Variants in BRIX1 observed in about 807,000 individuals in gnomAD.
The protein encoded by BRIX1 is ribosome biogenesis protein BRX1 homolog.
In BRIX1, 15 loss-of-function variants were observed where a neutral mutation model predicts 44.0. The ratio of observed to expected loss-of-function variants is 0.34; its 90% CI spans 0.23 to 0.53. BRIX1 has a LOEUF of 0.53. Ranked by LOEUF, BRIX1 falls within the 20% of genes least tolerant of loss-of-function variation. The pLI is 0.95. For missense variants in BRIX1, 420 were observed against 432.8 expected (o/e 0.97, Z 0.26); for synonymous variants, 149 against 135.4 (o/e 1.10, Z -0.70).
chr5:34,922,166 A>G (rs371871022), intron 3 of BRIX1, 51 bp from the exon 4 acceptor site: 10 of 1,019,964 alleles, frequency 9.8e-6, no homozygotes, highest in Non-Finnish European at 1.0e-5. Flanking sequence ...TAATTACTTT[A>G]GTTCTCATTT....
chr5:34,919,137 A>T (rs1270574542), intron 2 of BRIX1: 1 of 151,014 alleles, frequency 6.6e-6, no homozygotes, highest in Non-Finnish European at 1.5e-5. Context: ...TAGCCAAGTG[A>T]GGGGGTCACT....
At chr5:34,923,344 A>G (rs755138231) in intron 8 of BRIX1, 110 bp downstream of exon 8, 15 of 818,024 alleles carry the variant, frequency 1.8e-5, no homozygotes, top group South Asian at 3.2e-5. Flanking sequence ...CAGTGGCACA[A>G]TCTTGGCTCA....
Position 34,924,808 on chromosome 5 carries a change from G to T in BRIX1, c.664-39G>T, listed in dbSNP as rs775957855. ...AGCCAGTATACCTTTTGGGAATAACGTAACCAAACCAAAATGAAATGTTTC... is the reference window on the plus strand; with the variant it reads ...AGCCAGTATACCTTTTGGGAATAACTTAACCAAACCAAAATGAAATGTTTC... On this transcript the variant is annotated intron_variant, in intron 8 of 9. Transcript: ENST00000336767. 9 of 1,493,696 alleles carry T rather than the reference G, an allele frequency of 6.0e-6. No individual in the cohort carries two copies. The South Asian group carries it at 1.0e-4, about 17-fold the overall frequency. 92.5% of individuals were successfully genotyped at this position (1,493,696 alleles called of 1,614,324 possible).
Position 34,915,907 on chromosome 5 carries a change from G to A in BRIX1, c.159+10G>A. 4 of 1,545,164 alleles carry A rather than the reference G, an allele frequency of 2.6e-6. No homozygotes were observed. Among genetic ancestry groups the A allele is most frequent in the Non-Finnish European group, 3.5e-6 (4 of 1,144,762 alleles). Reference sequence around the variant, plus strand: ...AGGCCCCGTTTGCAAGGTAGGAGGGGATGTCCCCGGGCTACACCTGCGGCG... The same window carrying A: ...AGGCCCCGTTTGCAAGGTAGGAGGGAATGTCCCCGGGCTACACCTGCGGCG... On this transcript the variant is annotated intron_variant, in intron 1 of 9. Transcript: ENST00000336767.
chr5:34,925,207 C>CTTTTTTTTTTTTTTTT lies in BRIX1; in HGVS notation c.793-18_793-3dup, dbSNP rs35326249. On this transcript the variant is annotated intron_variant, in intron 9 of 9. Coordinates refer to ENST00000336767, the MANE Select transcript of BRIX1 (RefSeq NM_018321.4). ...TATTTTTATTTCAAAAGCATCTAATCTTTTTTTTTTTTTTTTAGCATCGGC... is the reference window on the plus strand; with the variant it reads ...TATTTTTATTTCAAAAGCATCTAATCTTTTTTTTTTTTTTTTTTTTTTTTTTTTTTTTAGCATCGGC... 1 of 1,055,338 alleles carries CTTTTTTTTTTTTTTTT rather than the reference C, an allele frequency of 9.5e-7. No individual in the cohort carries two copies. The allele number at this position is 1,055,338 out of a possible 1,614,324, so 65.4% of individuals were successfully genotyped here. A position where few individuals can be genotyped will look rare whatever the true frequency, so the allele number is the denominator to read the frequency against.
intron 8 of BRIX1, among the ~76,000 whole-genome samples, chr5:34,924,154 G>T (rs1026623843): frequency 1.3e-5 from 2 of 152,222 alleles, no homozygotes; most frequent in Non-Finnish European, 2.9e-5. Context: ...AAAAGAGGAG[G>T]TGACTCTAGA....
chr5:34,922,067 C>G, intron 3 of BRIX1, 150 bp from the exon 4 acceptor site: 1 of 439,398 alleles, frequency 2.3e-6, no homozygotes, highest in East Asian at 3.6e-5. Flanking sequence ...TTAAAGGTTC[C>G]TTCTGTGAAT....
intron 1 of BRIX1, 40 bp from the exon 2 acceptor site, chr5:34,918,324 A>T (rs748692022): frequency 5.6e-6 from 6 of 1,075,542 alleles, no homozygotes; most frequent in South Asian, 4.0e-5. Context: ...TCAGTTCAGT[A>T]TAAGATTTTA....
chr5:34,918,404 C>G lies in BRIX1; in HGVS notation c.200C>G (p.Ser67Cys). 1 of 1,599,592 alleles carries G rather than the reference C, an allele frequency of 6.3e-7. No homozygotes were observed. The highest frequency in any genetic ancestry group is 8.6e-7 in the Non-Finnish European group (1 of 1,169,142). The change falls in exon 2 of 10, where the codon TCC (serine) becomes TGC (cysteine). Residue 67 changes from serine (S) to cysteine (C), a missense_variant. By Grantham distance (112) the Ser-to-Cys change is moderately radical (BLOSUM62 -1). Coordinates refer to ENST00000336767, the MANE Select transcript of BRIX1 (RefSeq NM_018321.4). ...AAGGAACGGATTCTCATCTTTTCTT[C>G]CAGAGGAATAAATTTTAGAACAAGA... ...KNKERILIFS[S>C]RGINFRTRHL...
At chr5:34,924,725 C>T (rs938988488) in intron 8 of BRIX1, 122 bp from the exon 9 acceptor site, 17 of 592,448 alleles carry the variant, frequency 2.9e-5, no homozygotes, top group African/African-American at 2.7e-4. Flanking sequence ...CCAAGTTTCA[C>T]CCCCACCTTG....
chr5:34,915,914 C>T lies in BRIX1; in HGVS notation c.159+17C>T. The T allele has an allele frequency of 3.3e-6, 5 of 1,521,564 alleles. No individual in the cohort carries two copies. The highest frequency in any genetic ancestry group is 4.4e-6 in the Non-Finnish European group (5 of 1,135,468). The allele number at this position is 1,521,564 out of a possible 1,614,324, so 94.3% of individuals were successfully genotyped here. On this transcript the variant is annotated intron_variant, in intron 1 of 9. Transcript: ENST00000336767. ...GTTTGCAAGGTAGGAGGGGATGTCCCCGGGCTACACCTGCGGCGGCGGCTC... is the reference window on the plus strand; with the variant it reads ...GTTTGCAAGGTAGGAGGGGATGTCCTCGGGCTACACCTGCGGCGGCGGCTC...
chr5:34,920,443 T>G (rs1251998817), intron 3 of BRIX1: 2 of 152,218 alleles, frequency 1.3e-5, no homozygotes, highest in Non-Finnish European at 2.9e-5. Context: ...TTAGGATCAT[T>G]TTTTCACTAT....
At chr5:34,915,961 C>G in intron 1 of BRIX1, 64 bp downstream of exon 1, 1 of 1,465,886 alleles carries the variant, frequency 6.8e-7, no homozygotes, top group Non-Finnish European at 9.0e-7. Context: ...TCTTGGGTTA[C>G]TTACTTGACT....
intron 1 of BRIX1, among the ~76,000 whole-genome samples, chr5:34,916,990 C>T (rs1407889195): frequency 6.6e-6 from 1 of 152,170 alleles, no homozygotes; most frequent in South Asian, 2.1e-4. Flanking sequence ...AGCCATACTT[C>T]GATACATTCT....
intron 2 of BRIX1, 82 bp from the exon 3 acceptor site, chr5:34,919,758 C>T: frequency 2.2e-6 from 1 of 445,184 alleles, no homozygotes; most frequent in South Asian, 4.5e-5. Flanking sequence ...ACTTTATTTT[C>T]TGGATAGCAT....
chr5:34,923,459 G>A (rs1369409722), intron 8 of BRIX1: 1 of 519,688 alleles, frequency 1.9e-6, no homozygotes, highest in Non-Finnish European at 3.5e-6. Context: ...TGTAGTTTTA[G>A]TAGAGACGGG....
intron 3 of BRIX1, chr5:34,921,603 C>T (rs902876767): frequency 6.6e-6 from 1 of 152,032 alleles, no homozygotes; most frequent in African/African-American, 2.4e-5. Context: ...GTCAATGGGA[C>T]TATGGGCAGA....
intron 3 of BRIX1, chr5:34,920,787 C>T (rs897896697): frequency 7.9e-5 from 12 of 151,724 alleles, no homozygotes; most frequent in African/African-American, 2.9e-4. Flanking sequence ...CACAAACTTC[C>T]TATTTTTGTG....
At chr5:34,915,970 C>G in intron 1 of BRIX1, 73 bp downstream of exon 1, 1 of 1,445,552 alleles carries the variant, frequency 6.9e-7, no homozygotes, top group Non-Finnish European at 9.1e-7. Context: ...ACTTACTTGA[C>G]TACAGCCTTG....
Sources: allele counts gnomAD v4.1 joint callset (sites outside exome capture counted in the v4.1 genomes callset), GRCh38; gene constraint gnomAD v4.1.1; transcripts MANE v1.5; gene names NCBI Gene and HGNC (gene_info 2026-07-23, HGNC 2026-07-21).